LZTFL1: variants seen among roughly 807,000 people sequenced by gnomAD.
LZTFL1 encodes leucine zipper transcription factor like 1.
LZTFL1 carries 25 observed loss-of-function variants against 45.9 expected under a neutral mutation model. The observed-to-expected ratio is 0.54, with a 90% CI of 0.40 to 0.76. LZTFL1 has a LOEUF of 0.76. Among genes scored for constraint, LZTFL1 ranks in the 30% least tolerant of loss-of-function variants. LZTFL1 has a pLI of 0.00. For synonymous variants in LZTFL1, 93 were observed against 117.4 expected, an observed-to-expected ratio of 0.79 and a Z score of 1.35; for missense variants, 277 against 331.1, an observed-to-expected ratio of 0.84 and a Z score of 1.27.
intron 2 of LZTFL1, among the ~76,000 whole-genome samples, chr3:45,881,525 A>C (rs1052006708): frequency 2.6e-5 from 4 of 152,058 alleles, no homozygotes; most frequent in Non-Finnish European, 5.9e-5. Context: ...CTCTCTGAGA[A>C]TTGCCTCCTA....
chr3:45,905,565 A>T (rs1361582707), intron 2 of LZTFL1, among the ~76,000 whole-genome samples: 1 of 152,232 alleles, frequency 6.6e-6, no homozygotes, highest in Non-Finnish European at 1.5e-5. Flanking sequence ...ACTTGTAGGG[A>T]GTATGGTCGG....
chr3:45,830,200 G>C (rs116664246), intron 7 of LZTFL1, among the ~76,000 whole-genome samples: 1 of 152,248 alleles, frequency 6.6e-6, no homozygotes, highest in Non-Finnish European at 1.5e-5. Context: ...TTTGCAATGA[G>C]AGTATGACCA....
chr3:45,849,963 C>T (rs1701282378), intron 4 of LZTFL1, among the ~76,000 whole-genome samples: 4 of 152,176 alleles, frequency 2.6e-5, no homozygotes, highest in African/African-American at 9.7e-5. Flanking sequence ...GTAAGAGAAG[C>T]CGTGAAAACC....
chr3:45,834,096 G>C, intron 4 of LZTFL1, 142 bp downstream of exon 4: 1 of 581,418 alleles, frequency 1.7e-6, no homozygotes, highest in Non-Finnish European at 3.0e-6. Flanking sequence ...CTGAAAATAT[G>C]ATAGACAATT....
rs1700802552 is a variant in LZTFL1 at position 45,831,085 on chromosome 3, G to A, written c.510C>T (p.Thr170=). 4 of 1,606,856 alleles carry A rather than the reference G, an allele frequency of 2.5e-6. No homozygotes were observed. Among genetic ancestry groups the A allele is most frequent in the Non-Finnish European group, 3.4e-6 (4 of 1,176,744 alleles). ...ATTTCTCAGTTACCTGTATTTCAAT[G>A]GTCTTCAACCTTGACTTCAATTTCT... The part of the protein sequence containing the change: ...ENEKLKSRLK[T]IEIQATNALD... The change falls in exon 6 of 10, where the codon ACC becomes ACT. Residue 170 remains threonine, a synonymous_variant. Coordinates refer to ENST00000296135, the MANE Select transcript of LZTFL1 (RefSeq NM_020347.4).
At chr3:45,839,961 G>A (rs1436707903) in intron 1 of LZTFL1, among the ~76,000 whole-genome samples, 2 of 152,036 alleles carry the variant, frequency 1.3e-5, no homozygotes, top group African/African-American at 4.8e-5. Flanking sequence ...TACTTCTTTG[G>A]TACCGTCACA....
intron 2 of LZTFL1, among the ~76,000 whole-genome samples, chr3:45,908,667 C>T (rs1271860966): frequency 6.6e-6 from 1 of 152,178 alleles, no homozygotes; most frequent in Non-Finnish European, 1.5e-5. Flanking sequence ...TGTGCCAAGG[C>T]CCCGCACCAC....
At chr3:45,899,695 G>A (rs79587259) in intron 2 of LZTFL1, among the ~76,000 whole-genome samples, 9,745 of 152,184 alleles carry the variant, frequency 0.064, 353 homozygotes, top group Middle Eastern at 0.092. Context: ...AAGTGAGAGC[G>A]CTTGAAGATC....
At chr3:45,837,858 C>T (rs1040318573) in intron 2 of LZTFL1, 69 bp downstream of exon 2, 6 of 1,487,190 alleles carry the variant, frequency 4.0e-6, no homozygotes, top group Middle Eastern at 1.8e-4. Context: ...TCTGCTATGG[C>T]ACCCCCATAC....
chr3:45,834,131 T>C (rs1261608637), intron 4 of LZTFL1, 107 bp downstream of exon 4: 2 of 619,112 alleles, frequency 3.2e-6, no homozygotes, highest in Non-Finnish European at 5.6e-6. Context: ...TTGAATTGAA[T>C]GCTTTTCCTT....
At chr3:45,912,066 G>A (rs929447420) in intron 2 of LZTFL1, among the ~76,000 whole-genome samples, 4 of 152,212 alleles carry the variant, frequency 2.6e-5, no homozygotes, top group Admixed American at 1.3e-4. Flanking sequence ...AGGAAATGTC[G>A]CATGGGTGTG....
rs191394440 is a variant in LZTFL1, at chr3:45,873,867, T to C, written c.-214-14851A>G. On this transcript the variant is annotated intron_variant, in intron 2 of 4. Transcript: ENST00000472635. ...GGCTTACGTGCCACCTGTTGAAGTG[T>C]TACTCATTGCTCTAATCTAATATAA... Among the ~76,000 whole-genome samples, 185 of 152,338 alleles carry C rather than the reference T, an allele frequency of 1.2e-3. 1 individual carries two copies. The highest frequency in any genetic ancestry group is 2.3e-3 in the Non-Finnish European group (157 of 68,026).
chr3:45,886,711 T>C (rs1701991083), intron 2 of LZTFL1: 1 of 152,342 alleles, frequency 6.6e-6, no homozygotes, highest in Non-Finnish European at 1.5e-5. Flanking sequence ...TGGCCCTCAG[T>C]TGTGTGCTGC....
chr3:45,912,377 CTT>C (rs1257122454), intron 2 of LZTFL1, among the ~76,000 whole-genome samples: 1 of 152,202 alleles, frequency 6.6e-6, no homozygotes, highest in African/African-American at 2.4e-5. Context: ...TATAAAGTGA[CTT>C]TGCAGTTCCT....
At chr3:45,868,229 A>T (rs1174903189) in intron 2 of LZTFL1, among the ~76,000 whole-genome samples, 1 of 150,932 alleles carries the variant, frequency 6.6e-6, no homozygotes, top group Non-Finnish European at 1.5e-5. Flanking sequence ...TGCAAAAAAA[A>T]AAAGAGGATT....
chr3:45,850,153 T>C (rs1349496148), intron 4 of LZTFL1, among the ~76,000 whole-genome samples: 1 of 152,266 alleles, frequency 6.6e-6, no homozygotes, highest in East Asian at 1.9e-4. Context: ...TGAGTAATTA[T>C]AGTTTAATTG....
intron 2 of LZTFL1, among the ~76,000 whole-genome samples, chr3:45,882,213 A>C (rs967949256): frequency 3.9e-5 from 6 of 152,224 alleles, no homozygotes; most frequent in Non-Finnish European, 8.8e-5. Context: ...CAGTATCCAC[A>C]TAGTCCCTTT....
At chr3:45,887,074 T>C (rs1185002482) in intron 2 of LZTFL1, among the ~76,000 whole-genome samples, 1 of 152,228 alleles carries the variant, frequency 6.6e-6, no homozygotes, top group Non-Finnish European at 1.5e-5. Flanking sequence ...AGGAGGCGAA[T>C]GGTTAAATGA....
chr3:45,869,974 T>G (rs939450964), intron 2 of LZTFL1, among the ~76,000 whole-genome samples: 1 of 152,276 alleles, frequency 6.6e-6, no homozygotes, highest in African/African-American at 2.4e-5. Flanking sequence ...CATCTGCTTT[T>G]GCATTTTCCT....
Sources: allele counts gnomAD v4.1 joint callset (sites outside exome capture counted in the v4.1 genomes callset), GRCh38; gene constraint gnomAD v4.1.1; transcripts MANE v1.5; gene names NCBI Gene and HGNC (gene_info 2026-07-23, HGNC 2026-07-21).